EXTL3: variants seen among roughly 807,000 people sequenced by gnomAD.
EXTL3 encodes exostosin-like 3.
A neutral mutation model predicts 69.3 loss-of-function variants in EXTL3; 27 were observed. That is an observed-to-expected ratio of 0.39 (90% CI 0.29 to 0.54). The LOEUF (loss-of-function observed/expected upper bound fraction) is 0.54. Ranked by LOEUF, EXTL3 falls within the 20% of genes least tolerant of loss-of-function variation. The pLI, the probability that EXTL3 is intolerant of heterozygous loss-of-function variation, is 0.69. For missense variants in EXTL3, 1,003 were observed against 1,231.8 expected (o/e 0.81, Z 2.78); for synonymous variants, 511 against 499.4 (o/e 1.02, Z -0.31).
At chr8:28,628,643 G>C (rs930441244) in intron 1 of EXTL3, among the ~76,000 whole-genome samples, 15 of 152,188 alleles carry the variant, frequency 9.9e-5, no homozygotes, top group African/African-American at 3.4e-4. Context: ...CTAGGAGCTT[G>C]TGACAAACTT....
At chr8:28,710,579 A>T in intron 1 of EXTL3, 1 of 394,652 alleles carries the variant, frequency 2.5e-6, no homozygotes, top group Non-Finnish European at 4.9e-6. Flanking sequence ...GTCTATATTC[A>T]TGAGAGATTT....
intron 2 of EXTL3, among the ~76,000 whole-genome samples, chr8:28,610,768 A>C (rs1321651890): frequency 7.1e-6 from 1 of 140,772 alleles, no homozygotes; most frequent in East Asian, 2.1e-4. Context: ...TTTTAGATGG[A>C]GTCTCTGTCT....
intron 1 of EXTL3, among the ~76,000 whole-genome samples, chr8:28,687,838 C>T (rs928966564): frequency 6.6e-6 from 1 of 152,126 alleles, no homozygotes; most frequent in African/African-American, 2.4e-5. Flanking sequence ...GTGACTAGGT[C>T]TGTTAAATTC....
At chr8:28,726,522 T>A (rs549802183) in intron 3 of EXTL3, among the ~76,000 whole-genome samples, 1 of 152,342 alleles carries the variant, frequency 6.6e-6, no homozygotes, top group Non-Finnish European at 1.5e-5. Flanking sequence ...TTTGGTTTAC[T>A]GTCTTCCTGC....
chr8:28,629,847 G>A (rs979232799), intron 1 of EXTL3, among the ~76,000 whole-genome samples: 2 of 152,014 alleles, frequency 1.3e-5, no homozygotes, highest in African/African-American at 4.8e-5. Context: ...ACATGCAGCA[G>A]AAAACCCAAA....
chr8:28,728,953 G>T (rs1031649460), intron 3 of EXTL3, among the ~76,000 whole-genome samples: 5 of 152,202 alleles, frequency 3.3e-5, no homozygotes, highest in Admixed American at 3.3e-4. Flanking sequence ...AATTTCACAT[G>T]CCTTCTTAAT....
chr8:28,717,455 G>C lies in EXTL3; in HGVS notation c.1396G>C (p.Glu466Gln). Residue 466 changes from glutamate to glutamine, a missense_variant, in exon 3 of 7, where the codon GAG (glutamate) becomes CAG (glutamine). Coordinates refer to ENST00000220562, the MANE Select transcript of EXTL3 (RefSeq NM_001440.4). The surrounding 1 kb of genome is among the most constrained non-coding windows in gnomAD (Gnocchi z 8.3). ...EVGAVPVVLG[E>Q]QVQLPYQDML... ...CGGTGCCGTCCCGGTGGTGCTGGGGGAGCAGGTCCAGCTTCCCTACCAGGA... is the reference window on the plus strand; with the variant it reads ...CGGTGCCGTCCCGGTGGTGCTGGGGCAGCAGGTCCAGCTTCCCTACCAGGA... The C allele has an allele frequency of 6.2e-7, 1 of 1,614,184 alleles. No individual in the cohort carries two copies. The highest frequency in any genetic ancestry group is 8.5e-7 in the Non-Finnish European group (1 of 1,180,038).
chr8:28,701,427 G>GCGCGCCCGCGTCCGCGCC (rs1554482038), upstream of EXTL3: 1 of 151,830 alleles, frequency 6.6e-6, no homozygotes, highest in African/African-American at 2.4e-5. Context: ...AGTGGCGAGC[G>GCGCGCCCGCGTCCGCGCC]CGCGCCCGCG....
intron 1 of EXTL3, among the ~76,000 whole-genome samples, chr8:28,674,695 A>G (rs1337106205): frequency 6.6e-6 from 1 of 152,198 alleles, no homozygotes; most frequent in Non-Finnish European, 1.5e-5. Context: ...GGGATCTTGC[A>G]AGTTGGGATG....
At chr8:28,675,017 A>G (rs1180776886) in intron 1 of EXTL3, among the ~76,000 whole-genome samples, 2 of 152,318 alleles carry the variant, frequency 1.3e-5, no homozygotes, top group Admixed American at 1.3e-4. Context: ...ACACTGTGTG[A>G]CTGGCCCATA....
intron 1 of EXTL3, among the ~76,000 whole-genome samples, chr8:28,691,983 C>T (rs924118096): frequency 5.3e-5 from 8 of 152,024 alleles, no homozygotes; most frequent in Non-Finnish European, 1.0e-4. Context: ...TAAATGTACA[C>T]GAAAGTAAGA....
intron 1 of EXTL3, among the ~76,000 whole-genome samples, chr8:28,706,562 C>T (rs1800926935): frequency 6.6e-6 from 1 of 152,192 alleles, no homozygotes; most frequent in Admixed American, 6.5e-5. Context: ...TTTGCAATCC[C>T]AGCAGCCAAG....
intron 2 of EXTL3, among the ~76,000 whole-genome samples, chr8:28,607,978 T>C (rs56058003): frequency 0.018 from 2,703 of 151,470 alleles, 100 homozygotes; most frequent in African/African-American, 0.058. Context: ...GGCGTGGTGG[T>C]GGGCGCCTGT....
At chr8:28,624,155 G>A (rs1485658164) in intron 1 of EXTL3, among the ~76,000 whole-genome samples, 1 of 152,154 alleles carries the variant, frequency 6.6e-6, no homozygotes, top group Non-Finnish European at 1.5e-5. Flanking sequence ...ATTCCTGCTG[G>A]TCCTTAACAA....
intron 1 of EXTL3, among the ~76,000 whole-genome samples, chr8:28,687,231 C>A (rs982446967): frequency 4.6e-5 from 7 of 152,266 alleles, no homozygotes; most frequent in Non-Finnish European, 1.0e-4. Flanking sequence ...TTTGGGAGGC[C>A]AAGGTGGATG....
At chr8:28,676,179 CT>C (rs1426861874) in intron 1 of EXTL3, among the ~76,000 whole-genome samples, 2 of 152,088 alleles carry the variant, frequency 1.3e-5, no homozygotes, top group Non-Finnish European at 2.9e-5. Context: ...ACTTAAGGGA[CT>C]GGCAGTTACA....
At chr8:28,612,299 CAA>C (rs1806281820) in intron 2 of EXTL3, among the ~76,000 whole-genome samples, 1 of 151,758 alleles carries the variant, frequency 6.6e-6, no homozygotes, top group Non-Finnish European at 1.5e-5. Context: ...ATTAAAAATA[CAA>C]AAATTAGCCA....
intron 1 of EXTL3, among the ~76,000 whole-genome samples, chr8:28,645,405 CATA>C (rs1429686815): frequency 6.6e-6 from 1 of 152,106 alleles, no homozygotes; most frequent in Non-Finnish European, 1.5e-5. Context: ...GGATTTAACA[CATA>C]AGTACAATGG....
chr8:28,671,402 C>T (rs1807291665), intron 1 of EXTL3, among the ~76,000 whole-genome samples: 1 of 148,618 alleles, frequency 6.7e-6, no homozygotes, highest in South Asian at 2.2e-4. Context: ...TCCTCCGCAA[C>T]CTCTCAAGAT....
Sources: gnomAD v4.1 joint callset for allele counts (sites outside exome capture counted in the v4.1 genomes callset) on GRCh38, gnomAD v4.1.1 for gene constraint, Gnocchi (gnomAD v3.1) non-coding constraint, MANE v1.5 for transcripts, NCBI Gene and HGNC (gene_info 2026-07-23, HGNC 2026-07-21) for gene names.